ZNF385C: variants seen among roughly 807,000 people sequenced by gnomAD.
ZNF385C encodes CTD-2132N18.2.
A neutral mutation model predicts 35.4 loss-of-function variants in ZNF385C; 28 were observed. The observed-to-expected ratio is 0.79, with a 90% CI of 0.59 to 1.08. The LOEUF (loss-of-function observed/expected upper bound fraction) is 1.08. ZNF385C is among the 50% of genes least tolerant of loss of function. ZNF385C has a pLI of 0.00. For synonymous variants in ZNF385C, 248 were observed against 248.2 expected, an observed-to-expected ratio of 1.00 and a Z score of 0.01; for missense variants, 605 against 595.6, an observed-to-expected ratio of 1.02 and a Z score of -0.16.
At chr17:42,055,337 C>G (rs1206680446) in intron 2 of ZNF385C, among the ~76,000 whole-genome samples, 1 of 152,006 alleles carries the variant, frequency 6.6e-6, no homozygotes, top group Non-Finnish European at 1.5e-5. Flanking sequence ...TCTTCCAGGG[C>G]AGGGATCTGA....
chr17:42,073,979 C>T lies in ZNF385C; in HGVS notation c.-2-10921G>A, dbSNP rs577952797. On this transcript the variant is annotated intron_variant, in intron 1 of 8. Transcript: ENST00000692273. Reference sequence around the variant, plus strand: ...TCACCAACCACCAACTCACCCCTGCCTTGGGCCTTGCCCCTGCTCTCCCCT... The same window carrying T: ...TCACCAACCACCAACTCACCCCTGCTTTGGGCCTTGCCCCTGCTCTCCCCT... Among the ~76,000 whole-genome samples, 63 of 152,362 alleles carry T rather than the reference C, an allele frequency of 4.1e-4. 1 individual carries two copies. In the South Asian group the frequency reaches 8.7e-3, roughly 21 times the overall value.
chr17:42,048,464 G>T (rs1177181989), intron 2 of ZNF385C, among the ~76,000 whole-genome samples: 4 of 151,826 alleles, frequency 2.6e-5, no homozygotes, highest in African/African-American at 7.3e-5. Context: ...AGGATCACTT[G>T]AGCCCGAGTT....
chr17:42,078,806 G>A (rs548098789), intron 1 of ZNF385C, among the ~76,000 whole-genome samples: 1 of 152,086 alleles, frequency 6.6e-6, no homozygotes, highest in Non-Finnish European at 1.5e-5. Context: ...GGGAGGAGGT[G>A]GGGGAGAGAG....
At chr17:42,089,422 GC>G (rs1300939297) in intron 1 of ZNF385C, among the ~76,000 whole-genome samples, 1 of 152,100 alleles carries the variant, frequency 6.6e-6, no homozygotes, top group Non-Finnish European at 1.5e-5. Flanking sequence ...GAGAATGCTT[GC>G]CCCAGCCTGG....
chr17:42,079,705 T>TA (rs2053728147), intron 1 of ZNF385C, among the ~76,000 whole-genome samples: 1 of 151,788 alleles, frequency 6.6e-6, no homozygotes, highest in African/African-American at 2.4e-5. Flanking sequence ...GAAAATGCCC[T>TA]AAAACTGTAA....
Position 42,026,738 on chromosome 17 carries a change from A to AAGGC in ZNF385C, c.*155_*158dup. ...AAAGGAGGGTGGGGACAGTCCTTGG[A>AAGGC]AGGCAGCTGCCCTTAAAACTAGCCC... On this transcript the variant is annotated 3_prime_UTR_variant, in exon 9 of 9. Coordinates refer to ENST00000692273, the MANE Select transcript of ZNF385C (RefSeq NM_001392013.1). The AAGGC allele has an allele frequency of 1.3e-6, 1 of 744,612 alleles. No individual in the cohort carries two copies. The highest frequency in any genetic ancestry group is 2.7e-5 in the East Asian group (1 of 37,344). The allele number at this position is 744,612 out of a possible 1,614,324, so 46.1% of individuals were successfully genotyped here.
At chr17:42,088,476 C>A (rs1284141395) in intron 1 of ZNF385C, among the ~76,000 whole-genome samples, 1 of 152,386 alleles carries the variant, frequency 6.6e-6, no homozygotes. Context: ...GTGTCTGGGT[C>A]TGTTTCACCG....
chr17:42,032,868 A>G (rs568689226), intron 4 of ZNF385C, among the ~76,000 whole-genome samples: 24 of 150,954 alleles, frequency 1.6e-4, no homozygotes, highest in Non-Finnish European at 3.1e-4. Flanking sequence ...ACCTGTCACC[A>G]CAACTGGCTG....
At chr17:42,033,295 ATGTAGTAGAAAGGGGTAGGC>A (rs1567984253) in intron 4 of ZNF385C, among the ~76,000 whole-genome samples, 1 of 152,154 alleles carries the variant, frequency 6.6e-6, no homozygotes, top group Admixed American at 6.5e-5. Flanking sequence ...TAGTGGTAAG[ATGTAGTAGAAAGGGGTAGGC>A]TGTAGTAGAA....
intron 2 of ZNF385C, among the ~76,000 whole-genome samples, chr17:42,041,765 A>G (rs2053027884): frequency 6.6e-6 from 1 of 152,030 alleles, no homozygotes. Context: ...GATGAGATCC[A>G]ACTCCCCCAC....
At chr17:42,081,412 A>G (rs2053747905) in intron 1 of ZNF385C, among the ~76,000 whole-genome samples, 1 of 152,060 alleles carries the variant, frequency 6.6e-6, no homozygotes, top group Admixed American at 6.6e-5. Context: ...TTTGAGACAG[A>G]GTCTGACTCT....
intron 2 of ZNF385C, among the ~76,000 whole-genome samples, chr17:42,047,275 G>A (rs983176538): frequency 5.9e-5 from 9 of 151,934 alleles, no homozygotes; most frequent in South Asian, 2.1e-4. Context: ...CTCGTGATCC[G>A]CCCGCTTCAG....
chr17:42,056,448 G>A (rs1055451273), intron 2 of ZNF385C, among the ~76,000 whole-genome samples: 6 of 152,230 alleles, frequency 3.9e-5, no homozygotes, highest in African/African-American at 1.4e-4. Context: ...TCAGAGAGGA[G>A]TGTGAGATAG....
At chr17:42,047,527 T>G (rs1229884893) in intron 2 of ZNF385C, among the ~76,000 whole-genome samples, 1 of 152,050 alleles carries the variant, frequency 6.6e-6, no homozygotes, top group Non-Finnish European at 1.5e-5. Context: ...TGTATACCAG[T>G]GCCCTGTGTG....
chr17:42,092,412 A>G (rs1224999139), intron 1 of ZNF385C, among the ~76,000 whole-genome samples: 1 of 152,170 alleles, frequency 6.6e-6, no homozygotes, highest in East Asian at 1.9e-4. Context: ...TCAAAAAAAA[A>G]AAAGAATTTT....
chr17:42,039,887 T>C (rs1344185648), intron 2 of ZNF385C: 2 of 1,231,310 alleles, frequency 1.6e-6, no homozygotes, highest in Admixed American at 8.4e-5. Context: ...CGGCCGACCT[T>C]GTCCAGCAGG....
intron 1 of ZNF385C, among the ~76,000 whole-genome samples, chr17:42,086,864 T>C (rs1350500285): frequency 1.3e-5 from 2 of 151,012 alleles, no homozygotes; most frequent in Non-Finnish European, 3.0e-5. Flanking sequence ...GTTTTGCTCT[T>C]GTTGCCCAGG....
intron 1 of ZNF385C, among the ~76,000 whole-genome samples, chr17:42,073,601 T>G (rs892483269): frequency 6.6e-6 from 1 of 152,024 alleles, no homozygotes; most frequent in Non-Finnish European, 1.5e-5. Context: ...GAGAGTCCTT[T>G]CTGATTCCTC....
intron 1 of ZNF385C, among the ~76,000 whole-genome samples, chr17:42,080,518 T>G (rs1401928887): frequency 6.6e-6 from 1 of 152,136 alleles, no homozygotes; most frequent in Non-Finnish European, 1.5e-5. Context: ...CTCACAAGGA[T>G]GGAGGCAGAT....
Sources: gnomAD v4.1 joint callset for allele counts (sites outside exome capture counted in the v4.1 genomes callset) on GRCh38, gnomAD v4.1.1 for gene constraint, MANE v1.5 for transcripts, NCBI Gene and HGNC (gene_info 2026-07-23, HGNC 2026-07-21) for gene names.